The following RTTN variants were observed in gnomAD, a reference collection of about 807,000 sequenced individuals.
The protein encoded by RTTN is rotatin.
RTTN carries 182 observed loss-of-function variants against 269.2 expected under a neutral mutation model. The observed-to-expected ratio is 0.68, with a 90% confidence interval of 0.60 to 0.76. The LOEUF (loss-of-function observed/expected upper bound fraction) is 0.76. Ranked by LOEUF, RTTN falls within the 30% of genes least tolerant of loss-of-function variation. The pLI is 0.00. For missense variants in RTTN, 2,545 were observed against 2,608.6 expected, an observed-to-expected ratio of 0.98 and a Z score of 0.53; for synonymous variants, 1,006 against 963.5, an observed-to-expected ratio of 1.04 and a Z score of -0.82.
intron 39 of RTTN, among the ~76,000 whole-genome samples, chr18:70,051,199 A>C (rs940334081): frequency 2.6e-5 from 4 of 152,196 alleles, no homozygotes; most frequent in African/African-American, 9.7e-5. Flanking sequence ...ACTCGCTTTT[A>C]TGTTATCTCA....
At chr18:70,146,462 A>C (rs1444509680) in intron 17 of RTTN, among the ~76,000 whole-genome samples, 1 of 152,142 alleles carries the variant, frequency 6.6e-6, no homozygotes, top group Admixed American at 6.5e-5. Context: ...TGTATCTGTC[A>C]CTCCTCTGAT....
At chr18:70,063,993 T>C (rs1351614347) in intron 35 of RTTN, among the ~76,000 whole-genome samples, 1 of 144,124 alleles carries the variant, frequency 6.9e-6, no homozygotes, top group Non-Finnish European at 1.5e-5. Flanking sequence ...GTCATATATA[T>C]GTGCTGAAAT....
intron 17 of RTTN, among the ~76,000 whole-genome samples, chr18:70,146,334 G>A (rs966181410): frequency 2.6e-5 from 4 of 152,130 alleles, no homozygotes; most frequent in African/African-American, 9.7e-5. Context: ...TGAGTGGGGA[G>A]GTGGGAGACC....
chr18:70,033,317 C>G (rs1390099362), intron 40 of RTTN, among the ~76,000 whole-genome samples: 1 of 152,188 alleles, frequency 6.6e-6, no homozygotes, highest in Admixed American at 6.5e-5. Context: ...ATAAATTACT[C>G]CGTGTCAGGT....
At chr18:70,014,679 C>A (rs1267402566) in intron 46 of RTTN, among the ~76,000 whole-genome samples, 1 of 151,410 alleles carries the variant, frequency 6.6e-6, no homozygotes, top group African/African-American at 2.4e-5. Context: ...TTTTTTTTTC[C>A]TTTTCTTTAC....
intron 34 of RTTN, among the ~76,000 whole-genome samples, chr18:70,073,548 A>G (rs968351046): frequency 2.0e-5 from 3 of 152,142 alleles, no homozygotes; most frequent in African/African-American, 7.2e-5. Flanking sequence ...CTTTCGTACT[A>G]TCAAAAAAGG....
At chr18:70,117,541 G>A (rs1445814495) in intron 26 of RTTN, among the ~76,000 whole-genome samples, 1 of 151,960 alleles carries the variant, frequency 6.6e-6, no homozygotes, top group Admixed American at 6.6e-5. Context: ...GCTTTCCGAA[G>A]AAAGGTTTAA....
At chr18:70,186,255 T>C (rs891110503) in intron 10 of RTTN, among the ~76,000 whole-genome samples, 1 of 152,170 alleles carries the variant, frequency 6.6e-6, no homozygotes, top group Admixed American at 6.5e-5. Context: ...ATAAAATGAA[T>C]AAACTACAGT....
intron 28 of RTTN, among the ~76,000 whole-genome samples, chr18:70,104,908 A>C (rs2059281067): frequency 6.6e-6 from 1 of 152,070 alleles, no homozygotes; most frequent in African/African-American, 2.4e-5. Context: ...GTTGGCCCCT[A>C]CTGGGAAGTG....
chr18:70,131,438 T>C (rs2059996619), intron 23 of RTTN: 1 of 151,404 alleles, frequency 6.6e-6, no homozygotes, highest in Non-Finnish European at 1.5e-5. Context: ...GGTCCTTGCA[T>C]TGTCTGGGAT....
chr18:70,023,031 T>C (rs939589051), intron 44 of RTTN, among the ~76,000 whole-genome samples: 2 of 152,210 alleles, frequency 1.3e-5, no homozygotes, highest in South Asian at 2.1e-4. Context: ...AGGGTTGGTA[T>C]GTGTGACCCA....
At chr18:70,111,881 A>G (rs2059476901) in intron 27 of RTTN, among the ~76,000 whole-genome samples, 1 of 152,196 alleles carries the variant, frequency 6.6e-6, no homozygotes, top group Non-Finnish European at 1.5e-5. Flanking sequence ...TAAATGAAGG[A>G]AAAAATGTTA....
At chr18:70,075,698 T>C (rs570056120) in intron 32 of RTTN, among the ~76,000 whole-genome samples, 157 bp from the exon 33 acceptor site, 1 of 152,210 alleles carries the variant, frequency 6.6e-6, no homozygotes, top group South Asian at 2.1e-4. Context: ...CAGCCTGACC[T>C]AGGACAAATT....
chr18:70,008,660 G>C (rs1230665458), intron 46 of RTTN: 1 of 150,302 alleles, frequency 6.7e-6, no homozygotes, highest in African/African-American at 2.5e-5. Context: ...GGATGTCAGA[G>C]ATTGAAGATC....
intron 29 of RTTN, 148 bp from the exon 30 acceptor site, chr18:70,092,368 AC>A (rs2058873394): frequency 3.0e-6 from 2 of 658,910 alleles, no homozygotes; most frequent in Non-Finnish European, 2.5e-6. Context: ...AAAAAGGCAA[AC>A]AAAAAAATTT....
chr18:70,140,595 T>C (rs2060231964), intron 19 of RTTN, among the ~76,000 whole-genome samples: 2 of 152,100 alleles, frequency 1.3e-5, no homozygotes, highest in South Asian at 2.1e-4. Flanking sequence ...ATGTGTAAAA[T>C]ATGACTTACA....
chr18:70,173,048 G>A (rs918159154), intron 11 of RTTN, among the ~76,000 whole-genome samples: 1 of 152,130 alleles, frequency 6.6e-6, no homozygotes, highest in Non-Finnish European at 1.5e-5. Flanking sequence ...AAGGACTTCA[G>A]AAACATAATG....
intron 34 of RTTN, among the ~76,000 whole-genome samples, chr18:70,066,675 C>T (rs1285093921): frequency 6.6e-6 from 1 of 152,186 alleles, no homozygotes; most frequent in Non-Finnish European, 1.5e-5. Context: ...TGGGTAGCCT[C>T]CATATCAGTA....
intron 9 of RTTN, among the ~76,000 whole-genome samples, chr18:70,188,868 C>CG (rs1236416186): frequency 1.3e-5 from 2 of 151,718 alleles, no homozygotes; most frequent in Non-Finnish European, 1.5e-5. Flanking sequence ...CTTTCCCACC[C>CG]CGCATCCCAA....
Sources: allele counts gnomAD v4.1 joint callset (sites outside exome capture counted in the v4.1 genomes callset), GRCh38; gene constraint gnomAD v4.1.1; transcripts MANE v1.5; gene names NCBI Gene and HGNC (gene_info 2026-07-23, HGNC 2026-07-21).